Variants in ANK2 observed in about 807,000 individuals in gnomAD.
The protein encoded by ANK2 is ankyrin 2.
ANK2 carries 83 observed loss-of-function variants against 360.5 expected under a neutral mutation model. The observed-to-expected ratio is 0.23, with a 90% CI of 0.19 to 0.28. ANK2 has a LOEUF of 0.28. Ranked by LOEUF, ANK2 falls within the 10% of genes least tolerant of loss-of-function variation. ANK2 has a pLI of 1.00. For synonymous variants in ANK2, 1,740 were observed against 1,759.5 expected (o/e 0.99, Z 0.28); for missense variants, 4,201 against 4,795.7 (o/e 0.88, Z 3.66).
At chr4:112,930,477 C>T (rs909695411) in intron 2 of ANK2, among the ~76,000 whole-genome samples, 1 of 149,418 alleles carries the variant, frequency 6.7e-6, no homozygotes, top group Non-Finnish European at 1.5e-5. Context: ...AGAAAATGTT[C>T]AAGTGTTGTT....
intron 1 of ANK2, among the ~76,000 whole-genome samples, chr4:112,850,284 CT>C (rs903437202): frequency 7.6e-4 from 102 of 134,182 alleles, no homozygotes; most frequent in Non-Finnish European, 1.3e-3. Context: ...ATCTATCTAT[CT>C]ATCTATCTAT....
chr4:112,759,101 C>G, the ANK2 span, among the ~76,000 whole-genome samples: 2 of 151,950 alleles, frequency 1.3e-5, no homozygotes, highest in Non-Finnish European at 2.9e-5. Flanking sequence ...TTAAAAAATA[C>G]TATGGATTAG....
intron 9 of ANK2, among the ~76,000 whole-genome samples, chr4:113,247,295 G>T (rs72898088): frequency 0.027 from 4,035 of 152,070 alleles, 190 homozygotes; most frequent in African/African-American, 0.092. Flanking sequence ...GAATTTTTTT[G>T]GGGCATTAAC....
intron 32 of ANK2, 57 bp downstream of exon 32, chr4:113,339,379 G>C: frequency 7.2e-7 from 1 of 1,386,210 alleles, no homozygotes; most frequent in Non-Finnish European, 1.0e-6. Flanking sequence ...CAAAAAAACT[G>C]CCCTTTGTTT....
intron 1 of ANK2, among the ~76,000 whole-genome samples, chr4:113,107,657 T>A (rs752830537): frequency 2.0e-5 from 3 of 152,234 alleles, no homozygotes; most frequent in Non-Finnish European, 2.9e-5. Context: ...CCATCCATCT[T>A]GTTTTGGTCT....
intron 24 of ANK2, 62 bp downstream of exon 24, chr4:113,311,461 G>C: frequency 1.3e-6 from 2 of 1,585,394 alleles, no homozygotes; most frequent in Non-Finnish European, 1.7e-6. Context: ...TTTTTATGAT[G>C]ATGATAAAAA....
intron 1 of ANK2, among the ~76,000 whole-genome samples, chr4:113,127,178 A>G (rs1466865250): frequency 6.6e-6 from 1 of 152,094 alleles, no homozygotes; most frequent in Non-Finnish European, 1.5e-5. Context: ...AACATTTGCC[A>G]TGCTTCACTT....
At chr4:113,189,880 A>G (rs1443506135) in intron 2 of ANK2, among the ~76,000 whole-genome samples, 1 of 152,162 alleles carries the variant, frequency 6.6e-6, no homozygotes, top group Non-Finnish European at 1.5e-5. Flanking sequence ...CAGGTTTTTA[A>G]TGCCCTCTTT....
chr4:112,952,590 A>G (rs1271624857), intron 2 of ANK2, among the ~76,000 whole-genome samples: 1 of 152,186 alleles, frequency 6.6e-6, no homozygotes, highest in African/African-American at 2.4e-5. Flanking sequence ...ATGTTAAGGA[A>G]GAGTAATACC....
Position 113,367,598 on chromosome 4 carries a change from G to A in ANK2, c.11065G>A (p.Ala3689Thr). The A allele has an allele frequency of 6.2e-7, 1 of 1,613,694 alleles. No homozygotes were observed. Among genetic ancestry groups the A allele is most frequent in the Non-Finnish European group, 8.5e-7 (1 of 1,179,962 alleles). Reference protein sequence around the residue: ...FSVLQEELCTAQHKQKEEQAV... With the variant: ...FSVLQEELCTTQHKQKEEQAV... Reference sequence around the variant, plus strand: ...GGTACTTCAAGAGGAGTTATGCACTGCACAGCACAAGCAGAAAGAGGAGCA... The same window carrying A: ...GGTACTTCAAGAGGAGTTATGCACTACACAGCACAAGCAGAAAGAGGAGCA... The change falls in exon 42 of 46, where the codon GCA becomes ACA. Residue 3689 changes from alanine (A) to threonine (T), a missense_variant. Physicochemically the swap from Ala to Thr is moderately conservative, Grantham distance 58. This residue lies in a region of ANK2 where 2,642 missense variants were observed against 2,714.5 expected (regional missense o/e 0.97). Coordinates refer to ENST00000357077, the MANE Select transcript of ANK2 (RefSeq NM_001148.6).
the ANK2 span, among the ~76,000 whole-genome samples, chr4:112,716,388 C>A: frequency 1.5e-3 from 235 of 152,286 alleles, no homozygotes; most frequent in Non-Finnish European, 1.9e-3. Context: ...TAAACCACCA[C>A]ACTGGGCCTC....
chr4:112,739,001 G>A, the ANK2 span: 6 of 661,026 alleles, frequency 9.1e-6, no homozygotes, highest in Admixed American at 3.7e-5. Context: ...TGCTGAGGTC[G>A]CTCACAAAAA....
chr4:113,249,114 TTAGGGTTCTATTTATTAA>T (rs1225987607), intron 9 of ANK2, among the ~76,000 whole-genome samples: 3 of 152,134 alleles, frequency 2.0e-5, no homozygotes, highest in Non-Finnish European at 4.4e-5. Flanking sequence ...TTTGATGGAG[TTAGGGTTCTATTTATTAA>T]TAATAAAGTT....
intron 1 of ANK2, among the ~76,000 whole-genome samples, chr4:112,889,506 G>A (rs955637998): frequency 4.6e-5 from 7 of 151,584 alleles, no homozygotes; most frequent in Non-Finnish European, 8.8e-5. Context: ...TATTTTAGAT[G>A]ACTCACTTTT....
chr4:112,887,778 T>C (rs941739777), intron 1 of ANK2, among the ~76,000 whole-genome samples: 42 of 152,254 alleles, frequency 2.8e-4, no homozygotes, highest in Non-Finnish European at 4.9e-4. Context: ...TTCCAGAATA[T>C]TAAATATAAA....
intron 2 of ANK2, among the ~76,000 whole-genome samples, chr4:112,935,710 C>G (rs777658811): frequency 6.6e-6 from 1 of 151,998 alleles, no homozygotes. Flanking sequence ...GGTGTGGTGG[C>G]GCACACCTGT....
intron 45 of ANK2, chr4:113,374,923 T>A: frequency 2.5e-6 from 3 of 1,223,572 alleles, no homozygotes; most frequent in Non-Finnish European, 3.1e-6. Flanking sequence ...TGATCTTCCT[T>A]CAGCCAAAGA....
At chr4:113,037,964 C>T (rs1263190104) in intron 2 of ANK2, among the ~76,000 whole-genome samples, 1 of 151,948 alleles carries the variant, frequency 6.6e-6, no homozygotes, top group Non-Finnish European at 1.5e-5. Context: ...AATCATTTTC[C>T]TAGTATAGAG....
chr4:113,310,494 G>A (rs2079361058), intron 23 of ANK2, among the ~76,000 whole-genome samples: 1 of 151,992 alleles, frequency 6.6e-6, no homozygotes, highest in South Asian at 2.1e-4. Flanking sequence ...TCGGCTCACT[G>A]CAACCTTCAT....
Sources: allele counts gnomAD v4.1 joint callset (sites outside exome capture counted in the v4.1 genomes callset), GRCh38; gene constraint gnomAD v4.1.1; regional missense constraint gnomAD v4.1.1; transcripts MANE v1.5; gene names NCBI Gene and HGNC (gene_info 2026-07-23, HGNC 2026-07-21).